Variants in PTPRF observed in about 807,000 individuals in gnomAD.
PTPRF encodes receptor-type tyrosine-protein phosphatase F.
In PTPRF, 59 loss-of-function variants were observed where a neutral mutation model predicts 201.8. The ratio of observed to expected loss-of-function variants is 0.29; its 90% confidence interval spans 0.24 to 0.36. The LOEUF is 0.36. PTPRF is among the 10% of genes least tolerant of loss of function. The pLI is 1.00. For missense variants in PTPRF, 2,132 were observed against 2,690.5 expected (o/e 0.79, Z 4.59); for synonymous variants, 1,088 against 1,089.7 (o/e 1.00, Z 0.03).
At chr1:43,607,056 C>G in intron 21 of PTPRF, 88 bp downstream of exon 21, 1 of 1,525,198 alleles carries the variant, frequency 6.6e-7, no homozygotes, top group East Asian at 2.3e-5. Flanking sequence ...GGAGAGCGTG[C>G]AGCCTTGCAT....
chr1:43,533,350 G>A (rs894378093), intron 1 of PTPRF, among the ~76,000 whole-genome samples: 34 of 152,122 alleles, frequency 2.2e-4, no homozygotes, highest in Non-Finnish European at 7.4e-5. Flanking sequence ...TGCAGCAAAC[G>A]GAAACTAGCT....
chr1:43,569,171 C>G (rs1322286027), intron 5 of PTPRF, among the ~76,000 whole-genome samples: 1 of 152,066 alleles, frequency 6.6e-6, no homozygotes, highest in East Asian at 1.9e-4. Flanking sequence ...AGCACAGAGG[C>G]CTTCAGGCTG....
chr1:43,561,053 A>T (rs1459371328), intron 5 of PTPRF, among the ~76,000 whole-genome samples: 1 of 151,530 alleles, frequency 6.6e-6, no homozygotes, highest in Non-Finnish European at 1.5e-5. Flanking sequence ...CTGGGCTTGG[A>T]CCTCTGGGTT....
rs541451200 is a variant in PTPRF at position 43,619,553 on chromosome 1, G to A, written c.4912G>A (p.Ala1638Thr). 31 of 1,612,390 alleles carry A rather than the reference G, an allele frequency of 1.9e-5. No individual in the cohort carries two copies. Among genetic ancestry groups the A allele is most frequent in the African/African-American group, 1.1e-4 (8 of 74,888 alleles). ...GQVPPGESVTAMELEFKLLAS... is the reference protein window; with the variant it reads ...GQVPPGESVTTMELEFKLLAS... ...AGTGCCTCCAGGGGAGAGTGTGACC[G>A]CCATGGAGCTCGAGTTCAAGGTGGG... Residue 1638 changes from alanine to threonine, a missense_variant, in exon 28 of 34, where the codon GCC becomes ACC. Around this residue, in one of 6 missense-constraint regions of PTPRF, gnomAD observed 519 missense variants for 659.5 expected, o/e 0.79. Coordinates refer to ENST00000359947, the MANE Select transcript of PTPRF (RefSeq NM_002840.5).
rs182601221 is a variant in PTPRF, at chr1:43,542,792, G to A, written c.-45-2239G>A. 4.2e-4 allele frequency among the ~76,000 whole-genome samples: 64 copies of A among 152,138 alleles called. No homozygotes were observed. The highest frequency in any genetic ancestry group is 1.4e-3 in the African/African-American group (57 of 41,416). On this transcript the variant is annotated intron_variant, in intron 2 of 33. Transcript: ENST00000359947. The surrounding 1 kb of genome is among the most constrained non-coding windows in gnomAD (Gnocchi z 5.2). ...ACCTCCATGATGTCTGCACCTGGGC[G>A]TTATACTGCTATGATTACTGCACCA...
At chr1:43,555,548 C>A (rs764486605) in intron 5 of PTPRF, among the ~76,000 whole-genome samples, 1 of 149,790 alleles carries the variant, frequency 6.7e-6, no homozygotes, top group South Asian at 2.1e-4. Flanking sequence ...TGGGTTCAAG[C>A]GATTCTCCTG....
chr1:43,590,509 CTCTT>C (rs771231384), intron 8 of PTPRF, among the ~76,000 whole-genome samples: 1 of 152,206 alleles, frequency 6.6e-6, no homozygotes, highest in African/African-American at 2.4e-5. Flanking sequence ...AGCCCCATCA[CTCTT>C]TCTATCCGGG....
chr1:43,589,011 C>A lies in PTPRF; in HGVS notation c.949+11C>A. The A allele has an allele frequency of 6.5e-7, 1 of 1,538,396 alleles. No homozygotes were observed. The highest frequency in any genetic ancestry group is 8.8e-7 in the Non-Finnish European group (1 of 1,137,094). On this transcript the variant is annotated intron_variant, in intron 8 of 33. Transcript: ENST00000359947. The stretch of plus-strand genomic sequence containing the variant: ...AGGTCACAGTGAAAGGTGAGTGTGG[C>A]AGGTGCTGTAACCAGTGCCCTCCCT...
Position 43,537,655 on chromosome 1 carries a change from G to A in PTPRF, c.-125-543G>A, listed in dbSNP as rs985553681. On this transcript the variant is annotated intron_variant, in intron 1 of 33. Transcript: ENST00000359947. This position sits in a 1 kb window ranked among gnomAD's most constrained non-coding sequence, Gnocchi z 4.8. ...GCAGGTAGTCTGGGACATTGTGGAA[G>A]GCTTCCCTGAGAAAGTGCCACTGGA... is the stretch of plus-strand genomic sequence containing the variant. Among the ~76,000 whole-genome samples, 10 of 152,244 alleles carry A rather than the reference G, an allele frequency of 6.6e-5. No individual in the cohort carries two copies. Among genetic ancestry groups the A allele is most frequent in the African/African-American group, 9.6e-5 (4 of 41,458 alleles).
At position 43,617,451 on chromosome 1, in the gene PTPRF, G is replaced by C; in HGVS notation, c.4078G>C (p.Asp1360His). 6.2e-7 allele frequency: 1 copy of C among 1,614,090 alleles called. No individual in the cohort carries two copies. The highest frequency in any genetic ancestry group is 8.5e-7 in the Non-Finnish European group (1 of 1,180,010). The change falls in exon 24 of 34, where the codon GAC (aspartate) becomes CAC (histidine). Residue 1360 changes from aspartate to histidine, a missense_variant. By Grantham distance (81) the Asp-to-His change is moderately conservative (BLOSUM62 -1). Around this residue, in one of 6 missense-constraint regions of PTPRF, gnomAD observed 818 missense variants for 915.3 expected, o/e 0.89. Coordinates refer to ENST00000359947, the MANE Select transcript of PTPRF (RefSeq NM_002840.5). ...CTTTCTCCATTCTCTGCAGTCCATCGACCCTGGACAGCAGTTCACGTGGGA... is the reference window on the plus strand; with the variant it reads ...CTTTCTCCATTCTCTGCAGTCCATCCACCCTGGACAGCAGTTCACGTGGGA... ...LKFSQEYESI[D>H]PGQQFTWENS...
In PTPRF at chr1:43,537,859, G is replaced by C. The variant is rs1292181023; in HGVS notation, c.-125-339G>C. 6.6e-6 allele frequency among the ~76,000 whole-genome samples: 1 copy of C among 152,060 alleles called. No individual in the cohort carries two copies. Among genetic ancestry groups the C allele is most frequent in the Non-Finnish European group, 1.5e-5 (1 of 68,020 alleles). On this transcript the variant is annotated intron_variant, in intron 1 of 33. Coordinates refer to ENST00000359947, the MANE Select transcript of PTPRF (RefSeq NM_002840.5). This position sits in a 1 kb window ranked among gnomAD's most constrained non-coding sequence, Gnocchi z 4.8. ...CAGGTAGGGCTGCAGAGGTGGGAGG[G>C]GCCGACTCTGCTTGGCTCTGGGGTC...
chr1:43,603,291 C>T lies in PTPRF; in HGVS notation c.2341-125C>T. 2.4e-6 allele frequency: 2 copies of T among 823,292 alleles called. No homozygotes were observed. The highest frequency in any genetic ancestry group is 1.5e-5 in the South Asian group (1 of 64,760). The allele number at this position is 823,292 out of a possible 1,614,324, so 51.0% of individuals were successfully genotyped here. On this transcript the variant is annotated intron_variant, in intron 14 of 33. Coordinates refer to ENST00000359947, the MANE Select transcript of PTPRF (RefSeq NM_002840.5). The surrounding 1 kb of genome is among the most constrained non-coding windows in gnomAD (Gnocchi z 5.8). ...CAGAGGCCACCATTGTATAGCCCCACCTTCCACAACCCCTGGCCTTGTGTG... is the reference window on the plus strand; with the variant it reads ...CAGAGGCCACCATTGTATAGCCCCATCTTCCACAACCCCTGGCCTTGTGTG...
Position 43,537,871 on chromosome 1 carries a change from T to G in PTPRF, c.-125-327T>G, listed in dbSNP as rs906054863. Among the ~76,000 whole-genome samples, 3 of 152,072 alleles carry G rather than the reference T, an allele frequency of 2.0e-5. No individual in the cohort carries two copies. The highest frequency in any genetic ancestry group is 7.2e-5 in the African/African-American group (3 of 41,402). The stretch of plus-strand genomic sequence containing the variant: ...CAGAGGTGGGAGGGGCCGACTCTGC[T>G]TGGCTCTGGGGTCATGCTGAGGAGC... On this transcript the variant is annotated intron_variant, in intron 1 of 33. Transcript: ENST00000359947. This position sits in a 1 kb window ranked among gnomAD's most constrained non-coding sequence, Gnocchi z 4.8.
intron 9 of PTPRF, 105 bp from the exon 10 acceptor site, chr1:43,591,707 G>T: frequency 6.7e-7 from 1 of 1,490,468 alleles, no homozygotes; most frequent in East Asian, 2.4e-5. Context: ...TTGGGATGTA[G>T]GATAAGGGTG....
chr1:43,578,629 CAGG>C (rs1647096884), intron 6 of PTPRF, among the ~76,000 whole-genome samples, 178 bp from the exon 7 acceptor site: 1 of 152,154 alleles, frequency 6.6e-6, no homozygotes, highest in Non-Finnish European at 1.5e-5. Flanking sequence ...TGGTTCTAGA[CAGG>C]AGGCCACTGG....
chr1:43,595,482 G>T (rs1324845819), intron 11 of PTPRF, among the ~76,000 whole-genome samples: 2 of 152,124 alleles, frequency 1.3e-5, no homozygotes, highest in Non-Finnish European at 2.9e-5. Context: ...GACCTCCCAA[G>T]GTGCTGGGAT....
rs772750983 is a variant in PTPRF at position 43,606,270 on chromosome 1, GAGC to G, written c.3518_3520del (p.Gln1173del). 50 of 1,613,780 alleles carry G rather than the reference GAGC, an allele frequency of 3.1e-5. No homozygotes were observed. Among genetic ancestry groups the G allele is most frequent in the Admixed American group, 5.0e-5 (3 of 60,004 alleles). On this transcript the variant is annotated inframe_deletion, in exon 20 of 34. Transcript: ENST00000359947. The stretch of plus-strand genomic sequence containing the variant: ...AGAAGCCATCGAGCAAGGCGGAGAG[GAGC>G]AGCGGCGGCGGCGGCGGCAGGCAGA...
At chr1:43,610,920 T>C (rs1463117541) in intron 22 of PTPRF, among the ~76,000 whole-genome samples, 1 of 152,252 alleles carries the variant, frequency 6.6e-6, no homozygotes, top group East Asian at 1.9e-4. Context: ...TTTATTTATA[T>C]GCTACCTACC....
At chr1:43,557,494 C>T (rs1210987510) in intron 5 of PTPRF, among the ~76,000 whole-genome samples, 2 of 152,138 alleles carry the variant, frequency 1.3e-5, no homozygotes, top group East Asian at 1.9e-4. Context: ...ATTAACTGGG[C>T]GTGGTGGCGC....
Sources: allele counts gnomAD v4.1 joint callset (sites outside exome capture counted in the v4.1 genomes callset), GRCh38; gene constraint gnomAD v4.1.1; regional missense constraint gnomAD v4.1.1; non-coding constraint Gnocchi (gnomAD v3.1); transcripts MANE v1.5; gene names NCBI Gene and HGNC (gene_info 2026-07-23, HGNC 2026-07-21).